The following AQP7B variants were observed in gnomAD, a reference collection of about 807,000 sequenced individuals.
AQP7B encodes the protein aquaporin 7B.
chr2:94,592,409 A>T, the AQP7B span, among the ~76,000 whole-genome samples: 1 of 152,270 alleles, frequency 6.6e-6, no homozygotes, highest in South Asian at 2.1e-4. Flanking sequence ...CCCCAGAGAA[A>T]CAAAACCAGG....
At chr2:94,603,088 T>A in the AQP7B span, 1 of 1,590,120 alleles carries the variant, frequency 6.3e-7, no homozygotes, top group Admixed American at 1.8e-5. Flanking sequence ...CTGGGCCGCG[T>A]GCCCTGGAGG....
the AQP7B span, among the ~76,000 whole-genome samples, chr2:94,597,658 G>A: frequency 3.0e-3 from 425 of 143,298 alleles, 2 homozygotes; most frequent in African/African-American, 9.6e-3. Context: ...TTCCTTTGTC[G>A]CAGTGGTGCA....
At chr2:94,590,846 A>C in the AQP7B span, among the ~76,000 whole-genome samples, 1 of 139,368 alleles carries the variant, frequency 7.2e-6, no homozygotes, top group African/African-American at 2.6e-5. Context: ...TGGGAGGCTG[A>C]GGTGGGAGGA....
chr2:94,603,107 A>C, the AQP7B span: 1 of 1,575,332 alleles, frequency 6.3e-7, no homozygotes, highest in Non-Finnish European at 8.7e-7. Flanking sequence ...GGAAGTTTCC[A>C]GTCCATGTGC....
At chr2:94,593,748 A>C in the AQP7B span, among the ~76,000 whole-genome samples, 2 of 151,918 alleles carry the variant, frequency 1.3e-5, no homozygotes, top group Non-Finnish European at 2.9e-5. Flanking sequence ...GGCCTCCCAA[A>C]GTGCTGGGAT....
chr2:94,602,887 C>G, the AQP7B span: 2 of 979,254 alleles, frequency 2.0e-6, no homozygotes, highest in Non-Finnish European at 3.0e-6. Context: ...GAAGGTGGCC[C>G]CTGCCTCACG....
the AQP7B span, chr2:94,594,629 CGTGT>C: frequency 1.5e-6 from 1 of 681,608 alleles, no homozygotes; most frequent in Non-Finnish European, 2.6e-6. Flanking sequence ...CAAGAGGAGG[CGTGT>C]GTGGCGAGGC....
the AQP7B span, chr2:94,604,281 C>A: frequency 6.3e-7 from 1 of 1,594,702 alleles, no homozygotes; most frequent in East Asian, 2.2e-5. Flanking sequence ...CTGCCTCTTG[C>A]CTGCAGCGAT....
chr2:94,592,646 G>A, the AQP7B span, among the ~76,000 whole-genome samples: 1 of 151,902 alleles, frequency 6.6e-6, no homozygotes, highest in South Asian at 2.1e-4. Context: ...GAACACCAAG[G>A]GAATCCTGGA....
the AQP7B span, among the ~76,000 whole-genome samples, chr2:94,595,230 T>A: frequency 4.6e-5 from 7 of 151,634 alleles, no homozygotes; most frequent in Non-Finnish European, 8.8e-5. Flanking sequence ...AAGTCAGGAG[T>A]TCGAAACCAG....
At chr2:94,598,694 A>C in the AQP7B span, among the ~76,000 whole-genome samples, 9 of 152,196 alleles carry the variant, frequency 5.9e-5, no homozygotes, top group African/African-American at 2.2e-4. Context: ...CTTCAAAACC[A>C]AGTTATCTAA....
chr2:94,590,451 G>A, the AQP7B span, among the ~76,000 whole-genome samples: 1 of 152,134 alleles, frequency 6.6e-6, no homozygotes, highest in South Asian at 2.1e-4. Flanking sequence ...GCCTCCTAAA[G>A]TGTTGGGATT....
chr2:94,589,263 C>T, the AQP7B span, among the ~76,000 whole-genome samples: 3 of 151,840 alleles, frequency 2.0e-5, no homozygotes, highest in African/African-American at 7.3e-5. Flanking sequence ...CCCGCCTCGG[C>T]CTCCCAAAAG....
the AQP7B span, among the ~76,000 whole-genome samples, chr2:94,591,239 T>A: frequency 1.3e-5 from 2 of 152,032 alleles, no homozygotes; most frequent in Admixed American, 1.3e-4. Flanking sequence ...CACCCAAGTG[T>A]CTAGCGGGCT....
At chr2:94,598,952 G>A in the AQP7B span, among the ~76,000 whole-genome samples, 2 of 152,054 alleles carry the variant, frequency 1.3e-5, no homozygotes. Context: ...ACAGGCATGT[G>A]CCACCACACC....
At chr2:94,602,460 C>A in the AQP7B span, 10 of 1,588,690 alleles carry the variant, frequency 6.3e-6, no homozygotes, top group Non-Finnish European at 8.6e-6. Context: ...GGCTTCTGGG[C>A]AGGCAGCCCC....
chr2:94,589,260 C>T, the AQP7B span, among the ~76,000 whole-genome samples: 3 of 151,888 alleles, frequency 2.0e-5, no homozygotes, highest in African/African-American at 2.4e-5. Context: ...CCACCCGCCT[C>T]GGCCTCCCAA....
chr2:94,598,119 G>A, the AQP7B span, among the ~76,000 whole-genome samples: 2 of 152,190 alleles, frequency 1.3e-5, no homozygotes, highest in Admixed American at 6.5e-5. Flanking sequence ...GAAGACAGTA[G>A]CACTTGTAAA....
the AQP7B span, among the ~76,000 whole-genome samples, chr2:94,594,290 G>T: frequency 6.6e-6 from 1 of 152,220 alleles, no homozygotes; most frequent in Non-Finnish European, 1.5e-5. Context: ...TGTTTGTAGA[G>T]TGCCTCACTG....
Sources: gnomAD v4.1 joint callset for allele counts (sites outside exome capture counted in the v4.1 genomes callset) on GRCh38, gnomAD v4.1.1 for gene constraint, MANE v1.5 for transcripts, NCBI Gene and HGNC (gene_info 2026-07-23, HGNC 2026-07-21) for gene names.